Variants in IDH3B observed in about 807,000 individuals in gnomAD.
The protein encoded by IDH3B is isocitrate dehydrogenase (NAD(+)) 3 non-catalytic subunit beta, also known as isocitrate dehydrogenase [NAD] subunit beta, mitochondrial.
In IDH3B, 40 loss-of-function variants were observed where a neutral mutation model predicts 47.5. The ratio of observed to expected loss-of-function variants is 0.84; its 90% CI spans 0.65 to 1.10. The LOEUF is 1.10. IDH3B is among the 50% of genes least tolerant of loss of function. The pLI is 0.00. For missense variants in IDH3B, 450 were observed against 505.2 expected, an observed-to-expected ratio of 0.89 and a Z score of 1.05; for synonymous variants, 185 against 191.0, an observed-to-expected ratio of 0.97 and a Z score of 0.26.
rs2086866256 is a variant in IDH3B, at chr20:2,658,591, C to T, written c.*160G>A. The T allele has an allele frequency of 2.5e-6, 4 of 1,612,080 alleles. No homozygotes were observed. The highest frequency in any genetic ancestry group is 2.2e-5 in the South Asian group (2 of 90,778). ...CCTAACAATCCCCATCACCACCCAA[C>T]AGTCTGTCCCCTAAGGAAGCCGGCC... On this transcript the variant is annotated 3_prime_UTR_variant, in exon 12 of 12. Transcript: ENST00000380843.
At position 2,660,540 on chromosome 20, in the gene IDH3B, A is replaced by G. The variant is rs2086925586; in HGVS notation, c.582T>C (p.Ser194=). The change falls in exon 7 of 12, where the codon TCT becomes TCC. Residue 194 remains serine, a synonymous_variant. Coordinates refer to ENST00000380843, the MANE Select transcript of IDH3B (RefSeq NM_006899.5). This position sits in a 1 kb window ranked among gnomAD's most constrained non-coding sequence, Gnocchi z 5.6. ...ECLKIVTRAK[S]QRIAKFAFDY... ...CAAAGGCGAACTTTGCAATCCGCTGAGACTTGGCTCGTGTGACAATCTTCA... is the reference window on the plus strand; with the variant it reads ...CAAAGGCGAACTTTGCAATCCGCTGGGACTTGGCTCGTGTGACAATCTTCA... 6.2e-7 allele frequency: 1 copy of G among 1,614,130 alleles called. No individual in the cohort carries two copies. The highest frequency in any genetic ancestry group is 1.3e-5 in the African/African-American group (1 of 75,014).
At position 2,663,738 on chromosome 20, in the gene IDH3B, C is replaced by T; in HGVS notation, c.138G>A (p.Glu46=). 4 of 1,614,180 alleles carry T rather than the reference C, an allele frequency of 2.5e-6. No homozygotes were observed. Among genetic ancestry groups the T allele is most frequent in the Non-Finnish European group, 2.5e-6 (3 of 1,180,024 alleles). The change falls in exon 3 of 12, where the codon GAG becomes GAA. Residue 46 remains glutamate (E), a synonymous_variant. Transcript: ENST00000380843. ...GAAGCATGGTCACGGGAAAGGAGCC[C>T]TCCACCCTCACGTCCTCGGCCTCAA... ...SRSQAEDVRV[E]GSFPVTMLPG...
intron 4 of IDH3B, among the ~76,000 whole-genome samples, chr20:2,662,944 G>C (rs1014873031): frequency 1.3e-5 from 2 of 149,768 alleles, no homozygotes; most frequent in South Asian, 4.3e-4. Flanking sequence ...GCGACAGAGC[G>C]AGACTCTGTC....
chr20:2,659,321 C>A, intron 11 of IDH3B: 1 of 1,535,762 alleles, frequency 6.5e-7, no homozygotes. Context: ...ATCTAAGAGG[C>A]AAAAGAGATC....
At position 2,663,539 on chromosome 20, in the gene IDH3B, C is replaced by T. The variant is rs1023596307; in HGVS notation, c.244G>A (p.Glu82Lys). 6.2e-7 allele frequency: 1 copy of T among 1,614,076 alleles called. No homozygotes were observed. The highest frequency in any genetic ancestry group is 1.7e-5 in the Admixed American group (1 of 60,008). The change falls in exon 4 of 12, where the codon GAG becomes AAG. Residue 82 changes from glutamate (E) to lysine (K), a missense_variant. Transcript: ENST00000380843. ...KAAAVPVEFQ[E>K]HHLSEVQNMA... The stretch of plus-strand genomic sequence containing the variant: ...TTCTGCACCTCACTCAGGTGGTGCT[C>T]CTGGAACTCCACTGGGACAGCGGCA...
intron 4 of IDH3B, among the ~76,000 whole-genome samples, chr20:2,661,348 C>T (rs2086945270): frequency 6.6e-6 from 1 of 152,198 alleles, no homozygotes; most frequent in African/African-American, 2.4e-5. Context: ...AGGCATGTGC[C>T]ACCACACCTG....
chr20:2,661,014 C>A, intron 4 of IDH3B, 45 bp from the exon 5 acceptor site: 1 of 1,563,012 alleles, frequency 6.4e-7, no homozygotes, highest in Non-Finnish European at 8.8e-7. Flanking sequence ...ACAGGCCAAG[C>A]CCAAGGGAAC....
At chr20:2,664,031 A>C (rs1213219202) in intron 1 of IDH3B, 26 bp from the exon 2 acceptor site, 1 of 1,613,682 alleles carries the variant, frequency 6.2e-7, no homozygotes, top group Non-Finnish European at 8.5e-7. Context: ...ACAAGCCTGT[A>C]AGGTCAGCTT....
In IDH3B at chr20:2,659,582, A is replaced by G. The variant is rs886056569; in HGVS notation, c.1014T>C (p.Leu338=). ...CTGCGATCATGCTGGAGTGATACTC[A>G]AGACTGTGGATATGGACAGGAAGAA... ...SASNMLRHLN[L]EYHSSMIADA... The change falls in exon 11 of 12, where the codon CTT becomes CTC. Residue 338 remains leucine (L), a synonymous_variant. Transcript: ENST00000380843. The G allele has an allele frequency of 1.9e-6, 3 of 1,614,124 alleles. No homozygotes were observed. Among genetic ancestry groups the G allele is most frequent in the African/African-American group, 1.3e-5 (1 of 75,038 alleles).
intron 4 of IDH3B, among the ~76,000 whole-genome samples, chr20:2,662,937 A>G (rs771561877): frequency 6.6e-6 from 1 of 152,138 alleles, no homozygotes; most frequent in African/African-American, 2.4e-5. Flanking sequence ...AGCCTGGGCG[A>G]CAGAGCGAGA....
intron 4 of IDH3B, 64 bp from the exon 5 acceptor site, chr20:2,661,033 G>A (rs1600170456): frequency 2.2e-6 from 3 of 1,368,262 alleles, no homozygotes; most frequent in East Asian, 2.3e-5. Flanking sequence ...ACTCAGACCA[G>A]TGTCTAACCC....
chr20:2,659,831 C>A, intron 9 of IDH3B, 38 bp from the exon 10 acceptor site: 1 of 1,528,522 alleles, frequency 6.5e-7, no homozygotes, highest in Non-Finnish European at 9.1e-7. Flanking sequence ...TGGGAGGAGG[C>A]AGGAGGGGTA....
rs755677815 is a variant in IDH3B at position 2,664,156 on chromosome 20, G to C, written c.33C>G (p.Thr11=). ...CCGACATGTCCCGGGGCCTCACTCG[G>C]GTCAGCCAGCGGACTCCGCTCAATG... is the stretch of plus-strand genomic sequence containing the variant. MAALSGVRWL[T]RALVSAGNPG... Residue 11 remains threonine, a synonymous_variant, in exon 1 of 12, where the codon ACC becomes ACG. Transcript: ENST00000380843. The C allele has an allele frequency of 6.2e-7, 1 of 1,613,500 alleles. No individual in the cohort carries two copies. Among genetic ancestry groups the C allele is most frequent in the African/African-American group, 1.3e-5 (1 of 75,060 alleles).
Sources: gnomAD v4.1 joint callset for allele counts (sites outside exome capture counted in the v4.1 genomes callset) on GRCh38, gnomAD v4.1.1 for gene constraint, Gnocchi (gnomAD v3.1) non-coding constraint, MANE v1.5 for transcripts, NCBI Gene and HGNC (gene_info 2026-07-23, HGNC 2026-07-21) for gene names.